The following CDK14 variants were observed in gnomAD, a reference collection of about 807,000 sequenced individuals.
The protein encoded by CDK14 is cyclin-dependent kinase 14.
A neutral mutation model predicts 60.7 loss-of-function variants in CDK14; 34 were observed. The ratio of observed to expected loss-of-function variants is 0.56; its 90% CI spans 0.43 to 0.75. The LOEUF is 0.75. Among genes scored for constraint, CDK14 ranks in the 30% least tolerant of loss-of-function variants. The pLI, the probability that CDK14 is intolerant of heterozygous loss-of-function variation, is 0.00. For missense variants in CDK14, 482 were observed against 564.1 expected, an observed-to-expected ratio of 0.85 and a Z score of 1.47; for synonymous variants, 197 against 203.7, an observed-to-expected ratio of 0.97 and a Z score of 0.28.
intron 14 of CDK14, among the ~76,000 whole-genome samples, chr7:91,188,309 A>G (rs924190320): frequency 9.9e-5 from 15 of 152,174 alleles, no homozygotes; most frequent in African/African-American, 3.6e-4. Flanking sequence ...GATCATGAAC[A>G]TTGTAATGAA....
chr7:91,041,850 C>A (rs1021810786), intron 10 of CDK14, among the ~76,000 whole-genome samples: 1 of 152,208 alleles, frequency 6.6e-6, no homozygotes, highest in Non-Finnish European at 1.5e-5. Flanking sequence ...TATCCAGACA[C>A]ACCATTCATT....
chr7:90,804,674 T>A (rs1387277234), intron 5 of CDK14, among the ~76,000 whole-genome samples: 1 of 152,140 alleles, frequency 6.6e-6, no homozygotes, highest in East Asian at 1.9e-4. Context: ...GTCATATGTT[T>A]TCTTTTTTAT....
At chr7:91,100,509 C>CAT (rs1799121038) in intron 12 of CDK14, among the ~76,000 whole-genome samples, 1 of 152,012 alleles carries the variant, frequency 6.6e-6, no homozygotes, top group South Asian at 2.1e-4. Context: ...ATAACAAATT[C>CAT]ATATATATTA....
intron 2 of CDK14, among the ~76,000 whole-genome samples, chr7:90,708,777 G>A (rs959243671): frequency 6.6e-5 from 10 of 152,106 alleles, no homozygotes; most frequent in African/African-American, 2.2e-4. Flanking sequence ...TTTAAAATAC[G>A]TGAATATTTA....
intron 5 of CDK14, among the ~76,000 whole-genome samples, chr7:90,804,250 T>G (rs2117014381): frequency 1.3e-5 from 2 of 152,292 alleles, no homozygotes; most frequent in East Asian, 3.9e-4. Context: ...AGTTTTTTCA[T>G]TTTTGAAATG....
intron 12 of CDK14, among the ~76,000 whole-genome samples, chr7:91,087,452 G>C (rs757002003): frequency 2.6e-5 from 4 of 152,134 alleles, no homozygotes; most frequent in Non-Finnish European, 5.9e-5. Flanking sequence ...ATAGGAACCA[G>C]GTTCATCCCT....
At chr7:90,955,628 C>G in intron 8 of CDK14, 69 bp from the exon 9 acceptor site, 1 of 1,567,644 alleles carries the variant, frequency 6.4e-7, no homozygotes, top group Non-Finnish European at 8.7e-7. Flanking sequence ...AGAATGTGAA[C>G]GTTCAAATTT....
intron 5 of CDK14, among the ~76,000 whole-genome samples, chr7:90,799,637 A>G (rs1301825280): frequency 2.1e-5 from 3 of 145,608 alleles, no homozygotes; most frequent in African/African-American, 7.6e-5. Context: ...TTGTAGTGAG[A>G]CAAGATCGCG....
At chr7:91,117,944 A>G in intron 13 of CDK14, 121 bp from the exon 14 acceptor site, 1 of 559,146 alleles carries the variant, frequency 1.8e-6, no homozygotes, top group Non-Finnish European at 3.2e-6. Context: ...ATCAAAACAT[A>G]CCATGATGTT....
intron 10 of CDK14, among the ~76,000 whole-genome samples, chr7:91,038,598 A>T (rs1014989423): frequency 6.6e-6 from 1 of 152,238 alleles, no homozygotes; most frequent in Non-Finnish European, 1.5e-5. Context: ...TGAATCAGGA[A>T]CTAATCAGGT....
intron 10 of CDK14, among the ~76,000 whole-genome samples, chr7:90,991,964 A>G (rs73411408): frequency 2.0e-3 from 308 of 152,350 alleles, no homozygotes; most frequent in African/African-American, 6.9e-3. Context: ...TCCCTGGTCA[A>G]TAGTTCTATG....
intron 10 of CDK14, among the ~76,000 whole-genome samples, chr7:90,999,902 A>G (rs1298213399): frequency 1.3e-5 from 2 of 152,200 alleles, no homozygotes; most frequent in Admixed American, 6.5e-5. Flanking sequence ...ATTACTTAGT[A>G]GTATAACTGT....
chr7:90,956,896 A>C (rs1353842191), intron 9 of CDK14, among the ~76,000 whole-genome samples: 1 of 151,802 alleles, frequency 6.6e-6, no homozygotes, highest in African/African-American at 2.4e-5. Context: ...TAGTTTATTG[A>C]GAATGATGAT....
chr7:90,824,369 A>C (rs1417160462), intron 5 of CDK14, among the ~76,000 whole-genome samples: 1 of 152,226 alleles, frequency 6.6e-6, no homozygotes, highest in African/African-American at 2.4e-5. Flanking sequence ...GTCTGTGTCC[A>C]AAAGCCCTTG....
chr7:90,763,434 G>A (rs73395667), intron 4 of CDK14, among the ~76,000 whole-genome samples: 1,963 of 152,258 alleles, frequency 0.013, 41 homozygotes, highest in African/African-American at 0.045. Context: ...ACCTCTCAAT[G>A]AGGAGTGTCA....
chr7:90,709,812 G>A, intron 2 of CDK14: 1 of 1,419,622 alleles, frequency 7.0e-7, no homozygotes, highest in African/African-American at 1.5e-5. Flanking sequence ...TCTCTTGGTT[G>A]TAGTACGGCC....
At chr7:90,853,463 T>C (rs1230612274) in intron 5 of CDK14, among the ~76,000 whole-genome samples, 1 of 151,936 alleles carries the variant, frequency 6.6e-6, no homozygotes, top group African/African-American at 2.4e-5. Context: ...CTTAGCTGTT[T>C]CTGTTGATAT....
intron 5 of CDK14, among the ~76,000 whole-genome samples, chr7:90,847,918 C>A (rs889913213): frequency 2.0e-5 from 3 of 152,098 alleles, no homozygotes; most frequent in African/African-American, 4.8e-5. Context: ...TCCTTCCCAC[C>A]ACAATAACTC....
chr7:91,173,406 CAA>C (rs545969261), intron 14 of CDK14, among the ~76,000 whole-genome samples: 107 of 148,570 alleles, frequency 7.2e-4, no homozygotes, highest in Admixed American at 2.2e-3. Context: ...CCAGCCTGGG[CAA>C]AAGAGTAAGA....
Sources: allele counts gnomAD v4.1 joint callset (sites outside exome capture counted in the v4.1 genomes callset), GRCh38; gene constraint gnomAD v4.1.1; transcripts MANE v1.5; gene names NCBI Gene and HGNC (gene_info 2026-07-23, HGNC 2026-07-21).